Variants in CREB1 observed in about 807,000 individuals in gnomAD.
CREB1 encodes cyclic AMP-responsive element-binding protein 1.
In CREB1, 2 loss-of-function variants were observed where a neutral mutation model predicts 42.0. That is an observed-to-expected ratio of 0.05 (90% CI 0.02 to 0.15). The LOEUF is 0.15. CREB1 is among the 10% of genes least tolerant of loss of function. CREB1 has a pLI of 1.00. For missense variants in CREB1, 199 were observed against 388.9 expected (o/e 0.51, Z 4.11); for synonymous variants, 123 against 139.9 (o/e 0.88, Z 0.85).
At chr2:207,564,080 T>C (rs2082052429) in intron 3 of CREB1, among the ~76,000 whole-genome samples, 1 of 152,126 alleles carries the variant, frequency 6.6e-6, no homozygotes, top group South Asian at 2.1e-4. Context: ...TAAGAACTCT[T>C]GTTTTATAAT....
intron 3 of CREB1, among the ~76,000 whole-genome samples, chr2:207,564,978 A>G (rs2082088134): frequency 6.6e-6 from 1 of 151,750 alleles, no homozygotes; most frequent in African/African-American, 2.4e-5. Flanking sequence ...TTATTCTGTT[A>G]TTTATAAAAA....
At position 207,597,276 on chromosome 2, in the gene CREB1, C is replaced by T; in HGVS notation, c.*218C>T. 4.4e-6 allele frequency: 2 copies of T among 455,460 alleles called. No homozygotes were observed. Among genetic ancestry groups the T allele is most frequent in the Non-Finnish European group, 7.5e-6 (2 of 265,200 alleles). The allele number at this position is 455,460 out of a possible 1,614,324, so 28.2% of individuals were successfully genotyped here. On this transcript the variant is annotated 3_prime_UTR_variant, in exon 8 of 8. Coordinates refer to ENST00000353267, the MANE Select transcript of CREB1 (RefSeq NM_004379.5). Reference sequence around the variant, plus strand: ...TTCTCCCCTCAAGAAATTTTCAACGCCAGGAATCATGAAGAGACTTCTGCT... The same window carrying T: ...TTCTCCCCTCAAGAAATTTTCAACGTCAGGAATCATGAAGAGACTTCTGCT...
At chr2:207,572,045 G>A (rs995455602) in intron 5 of CREB1, among the ~76,000 whole-genome samples, 2 of 152,076 alleles carry the variant, frequency 1.3e-5, no homozygotes, top group African/African-American at 4.8e-5. Context: ...GCCCAACATG[G>A]TGAAACCCTG....
chr2:207,554,905 A>G (rs1236169421), intron 1 of CREB1, among the ~76,000 whole-genome samples: 1 of 151,996 alleles, frequency 6.6e-6, no homozygotes, highest in East Asian at 1.9e-4. Context: ...AAATTCCACA[A>G]CTTGGGCTCT....
intron 1 of CREB1, among the ~76,000 whole-genome samples, chr2:207,542,375 C>G (rs1318877194): frequency 6.6e-6 from 1 of 152,080 alleles, no homozygotes; most frequent in Non-Finnish European, 1.5e-5. Context: ...CTACTGAGTG[C>G]AAAGAGGTAG....
At position 207,604,395 on chromosome 2, in the gene CREB1, T is replaced by C. The variant is rs1167764004; in HGVS notation, c.*7337T>C. Among the ~76,000 whole-genome samples, 3 of 152,224 alleles carry C rather than the reference T, an allele frequency of 2.0e-5. No homozygotes were observed. Among genetic ancestry groups the C allele is most frequent in the Non-Finnish European group, 1.5e-5 (1 of 68,042 alleles). On this transcript the variant is annotated 3_prime_UTR_variant, in exon 8 of 8. Coordinates refer to ENST00000353267, the MANE Select transcript of CREB1 (RefSeq NM_004379.5). ...TTTTCCATCTCGTAAGTGGTGCCAC[T>C]ATCCATCTGTTAAATTGTTTAGGGG...
At chr2:207,536,537 A>G (rs1211582041) in intron 1 of CREB1, among the ~76,000 whole-genome samples, 1 of 152,224 alleles carries the variant, frequency 6.6e-6, no homozygotes, top group Non-Finnish European at 1.5e-5. Context: ...GCTGGGCGAC[A>G]AGAGCGAAAC....
At chr2:207,559,569 A>G (rs995784786) in intron 2 of CREB1, among the ~76,000 whole-genome samples, 5 of 152,154 alleles carry the variant, frequency 3.3e-5, no homozygotes, top group African/African-American at 9.7e-5. Context: ...CTATCCTTGA[A>G]TGTGTTCAAG....
At position 207,598,062 on chromosome 2, in the gene CREB1, C is replaced by T. The variant is rs1472233086; in HGVS notation, c.*1004C>T. The T allele has an allele frequency of 5.5e-6, 1 of 180,298 alleles. No individual in the cohort carries two copies. Among genetic ancestry groups the T allele is most frequent in the African/African-American group, 2.4e-5 (1 of 42,212 alleles). 11.2% of individuals were successfully genotyped at this position (180,298 alleles called of 1,614,324 possible). A position where few individuals can be genotyped will look rare whatever the true frequency, so the allele number is the denominator to read the frequency against. ...AAAGCCTTCAAGATGTCAAATAAAG[C>T]AAAGTGATATATATTTGTTTATGAA... is the stretch of plus-strand genomic sequence containing the variant. On this transcript the variant is annotated 3_prime_UTR_variant, in exon 8 of 8. Coordinates refer to ENST00000353267, the MANE Select transcript of CREB1 (RefSeq NM_004379.5).
At chr2:207,558,380 G>A (rs1216401757) in intron 2 of CREB1, among the ~76,000 whole-genome samples, 1 of 152,166 alleles carries the variant, frequency 6.6e-6, no homozygotes, top group East Asian at 1.9e-4. Flanking sequence ...ATTAAGGACA[G>A]TCTGCCAATT....
At chr2:207,561,178 G>A in intron 3 of CREB1, 1 of 1,592,294 alleles carries the variant, frequency 6.3e-7, no homozygotes, top group Non-Finnish European at 8.6e-7. Flanking sequence ...CTAGGTCCTA[G>A]ATTTGGAGAG....
At chr2:207,582,244 G>C in intron 7 of CREB1, 2 of 697,892 alleles carry the variant, frequency 2.9e-6, no homozygotes, top group South Asian at 3.0e-5. Context: ...GAAGTACTTG[G>C]AGGCTATGCA....
At chr2:207,589,627 ACT>A (rs1047362434) in intron 7 of CREB1, among the ~76,000 whole-genome samples, 2 of 152,116 alleles carry the variant, frequency 1.3e-5, no homozygotes, top group African/African-American at 4.8e-5. Flanking sequence ...TTTTTTAAAA[ACT>A]CTCTTTGATT....
rs561716856 is a variant in CREB1, at chr2:207,557,698, G to A, written c.114+1949G>A. On this transcript the variant is annotated intron_variant, in intron 2 of 7. Transcript: ENST00000353267. Reference sequence around the variant, plus strand: ...ACAAATAAAAATTGAATGTACATGTGCCTTAACATCTAGAAGATGTACAAC... The same window carrying A: ...ACAAATAAAAATTGAATGTACATGTACCTTAACATCTAGAAGATGTACAAC... 4.4e-4 allele frequency among the ~76,000 whole-genome samples: 67 copies of A among 152,180 alleles called. 1 individual carries two copies. The highest frequency in any genetic ancestry group is 1.5e-3 in the African/African-American group (64 of 41,540).
At chr2:207,550,700 A>G (rs1425349864) in intron 1 of CREB1, 2 of 152,130 alleles carry the variant, frequency 1.3e-5, no homozygotes, top group African/African-American at 2.4e-5. Context: ...ATTTTTGTTA[A>G]CTTGCTATAG....
intron 2 of CREB1, among the ~76,000 whole-genome samples, chr2:207,557,368 T>C (rs1333152201): frequency 6.6e-6 from 1 of 152,016 alleles, no homozygotes; most frequent in Non-Finnish European, 1.5e-5. Flanking sequence ...GTTGGCTGAG[T>C]AAAGATAGCA....
chr2:207,543,016 G>T (rs979661259), intron 1 of CREB1, among the ~76,000 whole-genome samples: 6 of 152,090 alleles, frequency 3.9e-5, no homozygotes, highest in Admixed American at 1.3e-4. Flanking sequence ...ACCCCTTCAG[G>T]TACCAAATCC....
chr2:207,569,680 T>G (rs1163242513), intron 4 of CREB1, among the ~76,000 whole-genome samples: 1 of 152,076 alleles, frequency 6.6e-6, no homozygotes, highest in East Asian at 1.9e-4. Flanking sequence ...TTTGTACATA[T>G]TTGGGTTCCT....
chr2:207,597,521 T>C lies in CREB1; in HGVS notation c.*463T>C, dbSNP rs1016129465. The C allele has an allele frequency of 9.2e-6, 2 of 217,862 alleles. No individual in the cohort carries two copies. Among genetic ancestry groups the C allele is most frequent in the African/African-American group, 4.5e-5 (2 of 44,466 alleles). The allele number at this position is 217,862 out of a possible 1,614,324, so 13.5% of individuals were successfully genotyped here. On this transcript the variant is annotated 3_prime_UTR_variant, in exon 8 of 8. Transcript: ENST00000353267. ...CAATGAAGAAGTGTTGATTGCCAAA[T>C]TGACATGTTGTCACATTCTCATTGT...
Sources: gnomAD v4.1 joint callset for allele counts (sites outside exome capture counted in the v4.1 genomes callset) on GRCh38, gnomAD v4.1.1 for gene constraint, MANE v1.5 for transcripts, NCBI Gene and HGNC (gene_info 2026-07-23, HGNC 2026-07-21) for gene names.